Variants in DLGAP1 observed in about 807,000 individuals in gnomAD.
DLGAP1 encodes DLG associated protein 1, also known as disks large-associated protein 1.
In DLGAP1, 11 loss-of-function variants were observed where a neutral mutation model predicts 90.8. The observed-to-expected ratio is 0.12, with a 90% CI of 0.08 to 0.20. The LOEUF is 0.20. DLGAP1 is among the 10% of genes least tolerant of loss of function. DLGAP1 has a pLI of 1.00. For synonymous variants in DLGAP1, 558 were observed against 540.7 expected, an observed-to-expected ratio of 1.03 and a Z score of -0.44; for missense variants, 1,050 against 1,333.8, an observed-to-expected ratio of 0.79 and a Z score of 3.31.
At chr18:3,932,632 A>C (rs1446972064) in intron 3 of DLGAP1, among the ~76,000 whole-genome samples, 1 of 152,168 alleles carries the variant, frequency 6.6e-6, no homozygotes, top group African/African-American at 2.4e-5. Flanking sequence ...CATTTGGAGG[A>C]GTCCGGCCTG....
chr18:4,269,891 T>C (rs2079236378), intron 1 of DLGAP1, among the ~76,000 whole-genome samples: 1 of 152,220 alleles, frequency 6.6e-6, no homozygotes, highest in African/African-American at 2.4e-5. Context: ...AACTTATGTC[T>C]GTTTTAAATT....
chr18:4,046,639 T>C (rs2075058802), intron 2 of DLGAP1, among the ~76,000 whole-genome samples: 1 of 152,228 alleles, frequency 6.6e-6, no homozygotes, highest in Admixed American at 6.5e-5. Context: ...CTAAGCTCAG[T>C]GTCTGAAGTG....
intron 4 of DLGAP1, among the ~76,000 whole-genome samples, chr18:3,823,162 T>A (rs1206883306): frequency 6.6e-6 from 1 of 152,216 alleles, no homozygotes; most frequent in Non-Finnish European, 1.5e-5. Flanking sequence ...TCCATGTATT[T>A]CAGGAGTAGC....
At chr18:4,235,303 A>G (rs879716614) in intron 1 of DLGAP1, among the ~76,000 whole-genome samples, 13 of 152,156 alleles carry the variant, frequency 8.5e-5, no homozygotes, top group Non-Finnish European at 1.8e-4. Context: ...CAAAAAGTGC[A>G]TATATTCAAT....
chr18:4,112,477 GT>G (rs1465096196), intron 2 of DLGAP1, among the ~76,000 whole-genome samples: 10 of 152,006 alleles, frequency 6.6e-5, no homozygotes, highest in South Asian at 4.1e-4. Flanking sequence ...TTTATCTACT[GT>G]CTAGTAATTC....
intron 5 of DLGAP1, among the ~76,000 whole-genome samples, chr18:3,792,986 G>A (rs1422199014): frequency 3.3e-5 from 5 of 152,124 alleles, no homozygotes; most frequent in Non-Finnish European, 5.9e-5. Context: ...CCATTGAGCC[G>A]CTGGGCCTGT....
chr18:3,558,858 A>G (rs1209616153), intron 9 of DLGAP1, among the ~76,000 whole-genome samples: 1 of 152,202 alleles, frequency 6.6e-6, no homozygotes, highest in Non-Finnish European at 1.5e-5. Flanking sequence ...TAAAATACTA[A>G]TGTTTAACCC....
intron 2 of DLGAP1, among the ~76,000 whole-genome samples, chr18:4,043,151 G>A (rs557881005): frequency 6.6e-6 from 1 of 152,244 alleles, no homozygotes; most frequent in Non-Finnish European, 1.5e-5. Context: ...AGTAATATTT[G>A]CACATACTTA....
chr18:3,624,544 C>T (rs2058221087), intron 7 of DLGAP1, among the ~76,000 whole-genome samples: 1 of 152,194 alleles, frequency 6.6e-6, no homozygotes, highest in Non-Finnish European at 1.5e-5. Flanking sequence ...GCGTCATTTT[C>T]TCTGAACTGT....
At chr18:4,182,262 CCTCT>C (rs1211306208) in intron 1 of DLGAP1, among the ~76,000 whole-genome samples, 2 of 152,008 alleles carry the variant, frequency 1.3e-5, no homozygotes, top group Admixed American at 6.6e-5. Flanking sequence ...GGCTCTTTGC[CCTCT>C]CTCTATTTGC....
intron 7 of DLGAP1, among the ~76,000 whole-genome samples, chr18:3,619,975 C>G (rs1415958416): frequency 2.9e-5 from 4 of 139,720 alleles, no homozygotes; most frequent in Admixed American, 2.0e-4. Context: ...TGCCACCATG[C>G]CTGGCCACCT....
chr18:3,828,074 T>A (rs1192549913), intron 4 of DLGAP1, among the ~76,000 whole-genome samples: 3 of 152,234 alleles, frequency 2.0e-5, no homozygotes, highest in Non-Finnish European at 4.4e-5. Context: ...ACTTCTGTAC[T>A]GATTGTAGTC....
chr18:3,747,387 C>T (rs1278066640), intron 5 of DLGAP1, among the ~76,000 whole-genome samples: 2 of 152,092 alleles, frequency 1.3e-5, no homozygotes. Flanking sequence ...CTGAAAAATT[C>T]GTTTTCCTTT....
At chr18:3,715,828 G>T (rs1309542623) in intron 7 of DLGAP1, among the ~76,000 whole-genome samples, 1 of 152,024 alleles carries the variant, frequency 6.6e-6, no homozygotes, top group African/African-American at 2.4e-5. Context: ...GTTTTATGTA[G>T]CTTTATTCCT....
intron 2 of DLGAP1, among the ~76,000 whole-genome samples, chr18:4,063,123 T>C (rs1243514279): frequency 1.3e-5 from 2 of 152,118 alleles, no homozygotes; most frequent in Non-Finnish European, 2.9e-5. Context: ...AAAAGCTTGG[T>C]ATCCAAAAGG....
chr18:4,145,293 G>C (rs1250945856), intron 2 of DLGAP1, among the ~76,000 whole-genome samples: 1 of 151,962 alleles, frequency 6.6e-6, no homozygotes, highest in African/African-American at 2.4e-5. Context: ...AAAAAATCAA[G>C]GTATCAAATA....
In DLGAP1 at chr18:4,454,808, C is replaced by G. The variant is rs1205547820; in HGVS notation, c.-267+198G>C. ...CCGAGATCCCAGGTTACCCGGAGGGCCCGGGAGTGCACCCCGGGCGGCTGA... is the reference window on the plus strand; with the variant it reads ...CCGAGATCCCAGGTTACCCGGAGGGGCCGGGAGTGCACCCCGGGCGGCTGA... On this transcript the variant is annotated intron_variant, in intron 1 of 12. Coordinates refer to ENST00000315677, the MANE Select transcript of DLGAP1 (RefSeq NM_004746.4). The surrounding 1 kb of genome is among the most constrained non-coding windows in gnomAD (Gnocchi z 4.7). Among the ~76,000 whole-genome samples, 1 of 151,874 alleles carries G rather than the reference C, an allele frequency of 6.6e-6. No homozygotes were observed. Among genetic ancestry groups the G allele is most frequent in the Admixed American group, 6.5e-5 (1 of 15,270 alleles).
intron 1 of DLGAP1, among the ~76,000 whole-genome samples, chr18:4,319,995 C>T (rs895553393): frequency 1.1e-4 from 16 of 152,138 alleles, no homozygotes; most frequent in African/African-American, 3.9e-4. Context: ...CATTCTCCCT[C>T]CAACCTTGTC....
intron 1 of DLGAP1, among the ~76,000 whole-genome samples, chr18:4,277,892 G>T (rs2079451484): frequency 6.6e-6 from 1 of 152,070 alleles, no homozygotes; most frequent in African/African-American, 2.4e-5. Flanking sequence ...TACAATGTCT[G>T]CTCCACTCTA....
Sources: gnomAD v4.1 joint callset for allele counts (sites outside exome capture counted in the v4.1 genomes callset) on GRCh38, gnomAD v4.1.1 for gene constraint, Gnocchi (gnomAD v3.1) non-coding constraint, MANE v1.5 for transcripts, NCBI Gene and HGNC (gene_info 2026-07-23, HGNC 2026-07-21) for gene names.